Variants in BRWD1 observed in about 807,000 individuals in gnomAD.
BRWD1 encodes the protein bromodomain and WD repeat domain containing 1.
BRWD1 carries 82 observed loss-of-function variants against 251.2 expected under a neutral mutation model. That is an observed-to-expected ratio of 0.33 (90% CI 0.27 to 0.39). The LOEUF is 0.39. Ranked by LOEUF, BRWD1 falls within the 10% of genes least tolerant of loss-of-function variation. The pLI, the probability that BRWD1 is intolerant of heterozygous loss-of-function variation, is 1.00. For missense variants in BRWD1, 2,233 were observed against 2,711.6 expected, an observed-to-expected ratio of 0.82 and a Z score of 3.92; for synonymous variants, 918 against 902.8, an observed-to-expected ratio of 1.02 and a Z score of -0.30.
chr21:39,277,440 G>T, intron 10 of BRWD1, 89 bp from the exon 11 acceptor site: 1 of 818,088 alleles, frequency 1.2e-6, no homozygotes, highest in Non-Finnish European at 1.7e-6. Context: ...AAAAAAGAAA[G>T]ATCATTTACC....
chr21:39,250,997 T>C lies in BRWD1; in HGVS notation c.2256-108A>G, dbSNP rs114935295. 4.6e-3 allele frequency: 2,948 copies of C among 645,756 alleles called. 66 individuals carry two copies. In the African/African-American group the frequency reaches 0.05, roughly 11 times the overall value. The allele number at this position is 645,756 out of a possible 1,614,324, so 40.0% of individuals were successfully genotyped here. On this transcript the variant is annotated intron_variant, in intron 19 of 40. Transcript: ENST00000342449. ...CTATAAATCATAAGTTTATGTACTT[T>C]AAAAATACACAAAATCTCTGAAGTT... is the stretch of plus-strand genomic sequence containing the variant.
At position 39,191,541 on chromosome 21, in the gene BRWD1, G is replaced by T; in HGVS notation, c.*4718C>A. ...ATCTTATGTGAAGTGGAAAACTAAA[G>T]ATCTGCTTGACAGGCTCATGTAATT... On this transcript the variant is annotated 3_prime_UTR_variant, in exon 41 of 41. Coordinates refer to ENST00000342449, the MANE Select transcript of BRWD1 (RefSeq NM_033656.4). The T allele has an allele frequency of 5.1e-6, 5 of 982,172 alleles. No individual in the cohort carries two copies. The highest frequency in any genetic ancestry group is 6.0e-6 in the Non-Finnish European group (5 of 827,056). 60.8% of individuals were successfully genotyped at this position (982,172 alleles called of 1,614,324 possible).
chr21:39,210,685 T>G (rs928445421), intron 35 of BRWD1, 101 bp downstream of exon 35: 20 of 1,387,452 alleles, frequency 1.4e-5, no homozygotes, highest in South Asian at 1.1e-4. Flanking sequence ...AAAGTTAACA[T>G]AAAGCCTGGG....
intron 7 of BRWD1, among the ~76,000 whole-genome samples, chr21:39,294,484 T>TATC (rs35723741): frequency 6.6e-6 from 1 of 151,908 alleles, no homozygotes; most frequent in Non-Finnish European, 1.5e-5. Flanking sequence ...AGTGAAACCT[T>TATC]TCTACTAAAA....
chr21:39,253,017 C>T (rs773307160), intron 19 of BRWD1, among the ~76,000 whole-genome samples: 26 of 152,172 alleles, frequency 1.7e-4, no homozygotes, highest in Non-Finnish European at 2.6e-4. Context: ...AGGCTGGATG[C>T]GGTGGCTCAC....
intron 36 of BRWD1, among the ~76,000 whole-genome samples, chr21:39,208,279 A>G (rs965129971): frequency 6.6e-6 from 1 of 151,866 alleles, no homozygotes; most frequent in Non-Finnish European, 1.5e-5. Flanking sequence ...TTTGTCGCTG[A>G]AAAAAAACAG....
chr21:39,199,778 T>C, intron 39 of BRWD1, 116 bp from the exon 40 acceptor site: 1 of 1,062,902 alleles, frequency 9.4e-7, no homozygotes, highest in Admixed American at 2.9e-5. Context: ...GAGACGGAGT[T>C]TCGCTCTTGT....
chr21:39,191,956 A>C lies in BRWD1; in HGVS notation c.*4303T>G. 5 of 985,158 alleles carry C rather than the reference A, an allele frequency of 5.1e-6. No homozygotes were observed. Among genetic ancestry groups the C allele is most frequent in the Non-Finnish European group, 6.0e-6 (5 of 829,696 alleles). The allele number at this position is 985,158 out of a possible 1,614,324, so 61.0% of individuals were successfully genotyped here. ...CTTGCCATACTTGAGAAACAGATGT[A>C]TAGTCTAATTATTTACATGTTGCCA... On this transcript the variant is annotated 3_prime_UTR_variant, in exon 41 of 41. Transcript: ENST00000342449.
chr21:39,293,081 G>A (rs1165548741), intron 8 of BRWD1, among the ~76,000 whole-genome samples: 1 of 152,188 alleles, frequency 6.6e-6, no homozygotes, highest in Non-Finnish European at 1.5e-5. Flanking sequence ...AGATGAAGCA[G>A]TTAGGAAAGA....
At position 39,186,913 on chromosome 21, in the gene BRWD1, T is replaced by C. The variant is rs2031267150; in HGVS notation, c.*9346A>G. 6.8e-7 allele frequency: 1 copy of C among 1,476,448 alleles called. No individual in the cohort carries two copies. Among genetic ancestry groups the C allele is most frequent in the East Asian group, 2.4e-5 (1 of 41,854 alleles). The allele number at this position is 1,476,448 out of a possible 1,614,324, so 91.5% of individuals were successfully genotyped here. Reference sequence around the variant, plus strand: ...CCACTGGATTATGGCTTTTAGAAAATTCCTCCAAAGATGCCAATAAGGGAG... The same window carrying C: ...CCACTGGATTATGGCTTTTAGAAAACTCCTCCAAAGATGCCAATAAGGGAG... On this transcript the variant is annotated 3_prime_UTR_variant, in exon 41 of 41. Transcript: ENST00000342449.
intron 17 of BRWD1, among the ~76,000 whole-genome samples, chr21:39,264,220 C>T (rs1013389825): frequency 1.3e-5 from 2 of 151,874 alleles, no homozygotes; most frequent in Admixed American, 1.3e-4. Context: ...GAGTGTAAAA[C>T]GTCCTAATTG....
chr21:39,255,975 A>C, intron 18 of BRWD1, 147 bp from the exon 19 acceptor site: 1 of 767,882 alleles, frequency 1.3e-6, no homozygotes, highest in South Asian at 2.0e-5. Context: ...TTTGTGAGAA[A>C]AATCTTTTTA....
At chr21:39,306,518 A>G (rs2036293832) in intron 4 of BRWD1, among the ~76,000 whole-genome samples, 9 of 152,214 alleles carry the variant, frequency 5.9e-5, no homozygotes, top group Admixed American at 5.9e-4. Flanking sequence ...CTAGGTTTGT[A>G]GAGGGGTTTA....
chr21:39,274,235 C>T (rs1160080482), intron 13 of BRWD1, 139 bp downstream of exon 13: 1 of 661,404 alleles, frequency 1.5e-6, no homozygotes, highest in African/African-American at 1.8e-5. Flanking sequence ...TTCACTTATA[C>T]CACAGCTCTT....
Position 39,236,616 on chromosome 21 carries a change from T to C in BRWD1, c.2745A>G (p.Lys915=), listed in dbSNP as rs756281156. 6.2e-7 allele frequency: 1 copy of C among 1,607,428 alleles called. No individual in the cohort carries two copies. The highest frequency in any genetic ancestry group is 8.5e-7 in the Non-Finnish European group (1 of 1,176,768). Residue 915 remains lysine, a synonymous_variant, in exon 23 of 41, where the codon AAA becomes AAG. Transcript: ENST00000342449. ...TTACCTCCTTCTTAGGCTTATTTTC[T>C]TTCTTTCTCTTTCGTCTTCTTTTTG... is the stretch of plus-strand genomic sequence containing the variant. ...SPPKRRRKRK[K]ENKPKKENLR... is the part of the protein sequence containing the mutation.
intron 12 of BRWD1, among the ~76,000 whole-genome samples, chr21:39,275,936 G>A (rs1240864948): frequency 2.6e-5 from 4 of 152,132 alleles, no homozygotes; most frequent in Non-Finnish European, 5.9e-5. Context: ...GGAGGCTGAG[G>A]TAGAAGATTA....
intron 12 of BRWD1, among the ~76,000 whole-genome samples, chr21:39,275,549 GAC>G (rs1052683889): frequency 3.3e-5 from 5 of 152,012 alleles, no homozygotes; most frequent in African/African-American, 1.2e-4. Flanking sequence ...TATACAAAGT[GAC>G]AGTTAATTAT....
chr21:39,276,625 G>A (rs2035289476), intron 11 of BRWD1, among the ~76,000 whole-genome samples: 1 of 152,198 alleles, frequency 6.6e-6, no homozygotes, highest in Admixed American at 6.5e-5. Flanking sequence ...ACCTCTGGAT[G>A]TGGACTGCCT....
rs2031654187 is a variant in BRWD1, at chr21:39,193,415, A to G, written c.*2844T>C. 7.1e-6 allele frequency: 7 copies of G among 984,720 alleles called. No homozygotes were observed. In the South Asian group the frequency reaches 2.8e-4, roughly 40 times the overall value. The allele number at this position is 984,720 out of a possible 1,614,324, so 61.0% of individuals were successfully genotyped here. ...ACATTGTAAGTATACCTTTTTAAAT[A>G]AGGAGGACACGAAAAAAGAAAGCTT... On this transcript the variant is annotated 3_prime_UTR_variant, in exon 41 of 41. Coordinates refer to ENST00000342449, the MANE Select transcript of BRWD1 (RefSeq NM_033656.4).
Sources: gnomAD v4.1 joint callset for allele counts (sites outside exome capture counted in the v4.1 genomes callset) on GRCh38, gnomAD v4.1.1 for gene constraint, MANE v1.5 for transcripts, NCBI Gene and HGNC (gene_info 2026-07-23, HGNC 2026-07-21) for gene names.